The following FAM78B variants were observed in gnomAD, a reference collection of about 807,000 sequenced individuals.
The protein encoded by FAM78B is protein FAM78B.
In FAM78B, 10 loss-of-function variants were observed where a neutral mutation model predicts 20.0. That is an observed-to-expected ratio of 0.50 (90% CI 0.31 to 0.85). The LOEUF is 0.85. FAM78B is among the 40% of genes least tolerant of loss of function. The pLI, the probability that FAM78B is intolerant of heterozygous loss-of-function variation, is 0.05. For synonymous variants in FAM78B, 135 were observed against 132.8 expected, an observed-to-expected ratio of 1.02 and a Z score of -0.12; for missense variants, 283 against 345.0, an observed-to-expected ratio of 0.82 and a Z score of 1.42.
chr1:166,060,619 C>T (rs774940298), exon 3 of FAM78B: 2 of 1,289,102 alleles, frequency 1.6e-6, no homozygotes, highest in Admixed American at 2.3e-5. Flanking sequence ...TCAGTCTCTG[C>T]CATGTGGTTG....
intron 1 of FAM78B, among the ~76,000 whole-genome samples, chr1:166,072,787 C>T (rs1216882396): frequency 6.6e-6 from 1 of 152,156 alleles, no homozygotes; most frequent in Non-Finnish European, 1.5e-5. Flanking sequence ...TCTTGCTCTC[C>T]CCCGCTACAC....
downstream of FAM78B, among the ~76,000 whole-genome samples, chr1:166,067,010 C>A (rs1231708153): frequency 6.6e-6 from 1 of 152,154 alleles, no homozygotes; most frequent in East Asian, 1.9e-4. Flanking sequence ...TAAAGGGAAT[C>A]TGGAACATTC....
chr1:166,092,408 G>C (rs1653112572), intron 1 of FAM78B, among the ~76,000 whole-genome samples: 1 of 152,090 alleles, frequency 6.6e-6, no homozygotes, highest in Non-Finnish European at 1.5e-5. Context: ...GTTCAAACGG[G>C]CCCCTCCAAG....
At chr1:166,105,008 T>C (rs550700895) in intron 1 of FAM78B, among the ~76,000 whole-genome samples, 25 of 152,178 alleles carry the variant, frequency 1.6e-4, no homozygotes, top group Admixed American at 6.5e-4. Flanking sequence ...TAAACAGACA[T>C]ATAGACCAAT....
At chr1:166,078,288 C>CA (rs1308238904) in intron 1 of FAM78B, among the ~76,000 whole-genome samples, 1 of 152,050 alleles carries the variant, frequency 6.6e-6, no homozygotes, top group Non-Finnish European at 1.5e-5. Context: ...CTCGACCTCC[C>CA]AAAGTGCTGG....
At chr1:166,098,572 G>C (rs1183793947) in intron 1 of FAM78B, among the ~76,000 whole-genome samples, 1 of 151,888 alleles carries the variant, frequency 6.6e-6, no homozygotes, top group East Asian at 1.9e-4. Flanking sequence ...AGAAACTTTG[G>C]ACACACTTTC....
chr1:166,086,555 G>T (rs1652839662), intron 1 of FAM78B, among the ~76,000 whole-genome samples: 1 of 152,190 alleles, frequency 6.6e-6, no homozygotes, highest in African/African-American at 2.4e-5. Context: ...GCTGAGGATG[G>T]AGTGCTCTAG....
intron 1 of FAM78B, among the ~76,000 whole-genome samples, chr1:166,162,477 T>C (rs74853378): frequency 3.9e-4 from 60 of 152,364 alleles, no homozygotes; most frequent in African/African-American, 1.4e-3. Flanking sequence ...GCTTTAGCTA[T>C]TGCTGGTTTT....
At chr1:166,058,515 G>A (rs1367845544) in exon 3 of FAM78B, 2 of 149,000 alleles carry the variant, frequency 1.3e-5, no homozygotes, top group Non-Finnish European at 2.9e-5. Context: ...GTGTGTGTGT[G>A]TGTGTGTGTG....
intron 1 of FAM78B, among the ~76,000 whole-genome samples, chr1:166,116,712 G>A (rs1386635839): frequency 6.6e-6 from 1 of 152,180 alleles, no homozygotes; most frequent in East Asian, 1.9e-4. Context: ...TCCAATTGGA[G>A]TTGTCCTACA....
chr1:166,131,656 A>G (rs1157250674), intron 1 of FAM78B, among the ~76,000 whole-genome samples: 1 of 152,200 alleles, frequency 6.6e-6, no homozygotes, highest in African/African-American at 2.4e-5. Flanking sequence ...TATGAAGAAG[A>G]CTGGGGAGAA....
chr1:166,152,310 G>A lies in FAM78B; in HGVS notation c.263+13676C>T, dbSNP rs556238214. On this transcript the variant is annotated intron_variant, in intron 1 of 1. Transcript: ENST00000354422. Reference sequence around the variant, plus strand: ...ATGGGAGCAGCTGCTAACCTTGCCCGGGCCTTTCAGTTCCACGCTGGCGGG... The same window carrying A: ...ATGGGAGCAGCTGCTAACCTTGCCCAGGCCTTTCAGTTCCACGCTGGCGGG... Among the ~76,000 whole-genome samples, 19 of 152,300 alleles carry A rather than the reference G, an allele frequency of 1.2e-4. No homozygotes were observed. The South Asian group carries it at 2.7e-3, about 22-fold the overall frequency.
chr1:166,143,448 T>G (rs899781731), intron 1 of FAM78B, among the ~76,000 whole-genome samples: 5 of 152,164 alleles, frequency 3.3e-5, no homozygotes, highest in African/African-American at 1.2e-4. Context: ...CAGAGATGTT[T>G]CTGGTTCCCT....
chr1:166,165,452 G>A (rs1032889391), intron 1 of FAM78B, among the ~76,000 whole-genome samples: 1 of 152,116 alleles, frequency 6.6e-6, no homozygotes, highest in Non-Finnish European at 1.5e-5. Context: ...TGGCCCGGGG[G>A]ACAAGGGTTC....
intron 1 of FAM78B, among the ~76,000 whole-genome samples, chr1:166,131,843 G>C (rs1371749663): frequency 6.6e-6 from 1 of 152,190 alleles, no homozygotes; most frequent in Non-Finnish European, 1.5e-5. Flanking sequence ...TCTAGGGGTG[G>C]GAGATGGAAC....
At chr1:166,142,472 T>G (rs140573670) in intron 1 of FAM78B, among the ~76,000 whole-genome samples, 2 of 152,310 alleles carry the variant, frequency 1.3e-5, no homozygotes, top group East Asian at 3.9e-4. Flanking sequence ...CACTGGGCAT[T>G]GACATATGTA....
intron 1 of FAM78B, among the ~76,000 whole-genome samples, chr1:166,084,168 G>A (rs1652698166): frequency 6.6e-6 from 1 of 150,794 alleles, no homozygotes; most frequent in African/African-American, 2.5e-5. Context: ...TCTTAACATT[G>A]TGTTAGACTT....
chr1:166,087,071 ATT>A (rs144099889), intron 1 of FAM78B: 91 of 141,800 alleles, frequency 6.4e-4, no homozygotes, highest in Admixed American at 6.2e-3. Flanking sequence ...TACCATCTCC[ATT>A]TTTTTTTTTT....
At chr1:166,164,903 A>G (rs1656301673) in intron 1 of FAM78B, 8 of 152,264 alleles carry the variant, frequency 5.3e-5, no homozygotes, top group Admixed American at 5.2e-4. Flanking sequence ...CCTACATTGT[A>G]ACAGCAGGTA....
Sources: allele counts gnomAD v4.1 joint callset (sites outside exome capture counted in the v4.1 genomes callset), GRCh38; gene constraint gnomAD v4.1.1; transcripts MANE v1.5; gene names NCBI Gene and HGNC (gene_info 2026-07-23, HGNC 2026-07-21).